The following PMS1 variants were observed in gnomAD, a reference collection of about 807,000 sequenced individuals.
The protein encoded by PMS1 is PMS1 protein homolog 1.
Under a neutral mutation model 93.1 loss-of-function variants are expected in PMS1, and 79 were observed. The observed-to-expected ratio is 0.85, with a 90% CI of 0.71 to 1.02. PMS1 has a LOEUF of 1.02. Among genes scored for constraint, PMS1 ranks in the 50% least tolerant of loss-of-function variants. PMS1 has a pLI of 0.00. For synonymous variants in PMS1, 335 were observed against 363.4 expected (o/e 0.92, Z 0.89); for missense variants, 1,064 against 1,085.3 (o/e 0.98, Z 0.28).
chr2:189,800,331 A>C (rs937339558), intron 3 of PMS1, among the ~76,000 whole-genome samples: 1 of 151,516 alleles, frequency 6.6e-6, no homozygotes, highest in African/African-American at 2.4e-5. Context: ...TAAATATTAA[A>C]TTATTTACAA....
chr2:189,876,478 C>T (rs1001339054), intron 12 of PMS1, among the ~76,000 whole-genome samples: 5 of 152,156 alleles, frequency 3.3e-5, no homozygotes, highest in Non-Finnish European at 7.4e-5. Flanking sequence ...TGGCCTCTGC[C>T]TAATTTCCTT....
intron 4 of PMS1, among the ~76,000 whole-genome samples, chr2:189,809,379 G>C (rs2050619523): frequency 7.0e-6 from 1 of 143,868 alleles, no homozygotes; most frequent in African/African-American, 2.6e-5. Context: ...TGTAAAACAT[G>C]ATAGTATAAT....
chr2:189,868,159 A>G (rs759654549), intron 11 of PMS1, among the ~76,000 whole-genome samples: 8 of 152,350 alleles, frequency 5.3e-5, no homozygotes, highest in Admixed American at 2.0e-4. Flanking sequence ...TAACTAATCA[A>G]ATAGTTTTAT....
intron 2 of PMS1, 75 bp from the exon 3 acceptor site, chr2:189,795,694 C>A: frequency 8.5e-7 from 1 of 1,172,746 alleles, no homozygotes; most frequent in Non-Finnish European, 1.3e-6. Context: ...AAAATTCTTT[C>A]ACTTGTGTTT....
intron 12 of PMS1, 50 bp from the exon 13 acceptor site, chr2:189,877,222 T>A: frequency 6.7e-7 from 1 of 1,483,764 alleles, no homozygotes; most frequent in Non-Finnish European, 9.4e-7. Context: ...TAACATGTTT[T>A]CAGCTTCAGG....
intron 3 of PMS1, 24 bp downstream of exon 3, chr2:189,795,975 TTA>T (rs1367336184): frequency 6.8e-7 from 1 of 1,478,388 alleles, no homozygotes; most frequent in South Asian, 1.1e-5. Context: ...ATTGGTTATT[TTA>T]GTGATTTCAT....
At chr2:189,808,852 T>G (rs1314359389) in intron 4 of PMS1, among the ~76,000 whole-genome samples, 1 of 152,222 alleles carries the variant, frequency 6.6e-6, no homozygotes, top group Non-Finnish European at 1.5e-5. Flanking sequence ...TCTTTTAAAT[T>G]ATTGTACCAA....
intron 3 of PMS1, among the ~76,000 whole-genome samples, chr2:189,796,250 T>G (rs1260515986): frequency 6.6e-6 from 1 of 151,944 alleles, no homozygotes; most frequent in Non-Finnish European, 1.5e-5. Context: ...CCCAGCTACT[T>G]GAGAGGCTGA....
chr2:189,822,604 T>C (rs186092398), intron 5 of PMS1, among the ~76,000 whole-genome samples: 1 of 152,320 alleles, frequency 6.6e-6, no homozygotes, highest in Non-Finnish European at 1.5e-5. Context: ...GCAACTCTGA[T>C]AATAGAACAT....
chr2:189,822,381 A>G (rs1318252176), intron 5 of PMS1, among the ~76,000 whole-genome samples: 2 of 152,116 alleles, frequency 1.3e-5, no homozygotes, highest in Admixed American at 6.5e-5. Flanking sequence ...TTCTCCAGCC[A>G]TTTCCCCAAC....
chr2:189,873,337 G>A (rs997299156), intron 11 of PMS1, among the ~76,000 whole-genome samples, 159 bp from the exon 12 acceptor site: 1 of 152,196 alleles, frequency 6.6e-6, no homozygotes, highest in Non-Finnish European at 1.5e-5. Context: ...GACCCTATGG[G>A]AAATTACTAT....
intron 5 of PMS1, among the ~76,000 whole-genome samples, chr2:189,828,016 C>T (rs1006424803): frequency 7.9e-5 from 12 of 151,306 alleles, no homozygotes; most frequent in African/African-American, 2.7e-4. Flanking sequence ...CTCCGCCTCC[C>T]GGGTTCACGC....
intron 6 of PMS1, among the ~76,000 whole-genome samples, chr2:189,850,368 A>T (rs1438734021): frequency 6.6e-5 from 10 of 152,178 alleles, no homozygotes; most frequent in Non-Finnish European, 1.5e-5. Flanking sequence ...TAGCTGGCAG[A>T]GCCCTTATCA....
At chr2:189,842,417 C>G (rs2053888998) in intron 5 of PMS1, among the ~76,000 whole-genome samples, 1 of 152,082 alleles carries the variant, frequency 6.6e-6, no homozygotes, top group African/African-American at 2.4e-5. Flanking sequence ...TGAATTCTAC[C>G]TGTACTGATG....
intron 4 of PMS1, among the ~76,000 whole-genome samples, chr2:189,817,453 G>C (rs1007854451): frequency 1.4e-4 from 21 of 152,130 alleles, no homozygotes; most frequent in African/African-American, 5.1e-4. Context: ...GTAAAAGCTA[G>C]TGGTTAATCT....
chr2:189,851,138 CT>C, intron 6 of PMS1, among the ~76,000 whole-genome samples: 1 of 152,112 alleles, frequency 6.6e-6, no homozygotes. Flanking sequence ...TTTTATTTTA[CT>C]TTGCCATGTA....
Position 189,805,676 on chromosome 2 carries a change from G to A in PMS1, c.340G>A (p.Ala114Thr). 1 of 1,613,728 alleles carries A rather than the reference G, an allele frequency of 6.2e-7. No individual in the cohort carries two copies. Among genetic ancestry groups the A allele is most frequent in the Non-Finnish European group, 8.5e-7 (1 of 1,179,818 alleles). The change falls in exon 4 of 13, where the codon GCT becomes ACT. Residue 114 changes from alanine (A) to threonine (T), a missense_variant. Transcript: ENST00000441310. ...GGTTTTAATTACAACAAGAACGGCTGCTGATAATTTTAGCACCCAGTATGT... is the reference window on the plus strand; with the variant it reads ...GGTTTTAATTACAACAAGAACGGCTACTGATAATTTTAGCACCCAGTATGT... ...AEVLITTRTA[A>T]DNFSTQYVLD...
chr2:189,865,360 C>G (rs911359180), intron 10 of PMS1, among the ~76,000 whole-genome samples: 1 of 152,114 alleles, frequency 6.6e-6, no homozygotes, highest in South Asian at 2.1e-4. Flanking sequence ...TTCAACTTCT[C>G]TCCCCTATGT....
intron 3 of PMS1, 88 bp from the exon 4 acceptor site, chr2:189,805,564 T>G (rs967463655): frequency 9.7e-7 from 1 of 1,032,692 alleles, no homozygotes; most frequent in Non-Finnish European, 1.5e-6. Context: ...TGAGTAAATA[T>G]ATTATGCAAT....
Sources: gnomAD v4.1 joint callset for allele counts (sites outside exome capture counted in the v4.1 genomes callset) on GRCh38, gnomAD v4.1.1 for gene constraint, MANE v1.5 for transcripts, NCBI Gene and HGNC (gene_info 2026-07-23, HGNC 2026-07-21) for gene names.